The following MEF2C variants were observed in gnomAD, a reference collection of about 807,000 sequenced individuals.
MEF2C encodes the protein myocyte enhancer factor 2C.
A neutral mutation model predicts 50.5 loss-of-function variants in MEF2C; 6 were observed. The observed-to-expected ratio is 0.12, with a 90% CI of 0.07 to 0.23. MEF2C has a LOEUF of 0.23. Ranked by LOEUF, MEF2C falls within the 10% of genes least tolerant of loss-of-function variation. The pLI is 1.00. For synonymous variants in MEF2C, 183 were observed against 228.0 expected, an observed-to-expected ratio of 0.80 and a Z score of 1.78; for missense variants, 276 against 605.0, an observed-to-expected ratio of 0.46 and a Z score of 5.70.
At chr5:88,876,425 A>G (rs1831085730) in intron 1 of MEF2C, among the ~76,000 whole-genome samples, 1 of 151,998 alleles carries the variant, frequency 6.6e-6, no homozygotes, top group African/African-American at 2.4e-5. Flanking sequence ...TACTTTAAAG[A>G]AATTCCAATC....
rs188405746 is a variant in MEF2C at position 88,841,490 on chromosome 5, G to C, written c.-142-17560C>G. On this transcript the variant is annotated intron_variant, in intron 1 of 10. Coordinates refer to ENST00000504921, the MANE Select transcript of MEF2C (RefSeq NM_002397.5). Reference sequence around the variant, plus strand: ...CAACTGCACCTCAGCCTGGATGATGGAATAAAACTTTGTCTCAAAAAAAAA... The same window carrying C: ...CAACTGCACCTCAGCCTGGATGATGCAATAAAACTTTGTCTCAAAAAAAAA... Among the ~76,000 whole-genome samples, 42 of 126,404 alleles carry C rather than the reference G, an allele frequency of 3.3e-4. No homozygotes were observed. The East Asian group carries it at 9.1e-3, about 27-fold the overall frequency. 82.9% of individuals were successfully genotyped at this position (126,404 alleles called of 152,430 possible). A position where few individuals can be genotyped will look rare whatever the true frequency, so the allele number is the denominator to read the frequency against.
chr5:88,824,810 T>TA (rs1463368355), intron 1 of MEF2C: 35 of 152,000 alleles, frequency 2.3e-4, no homozygotes, highest in Admixed American at 1.8e-3. Context: ...GGTCAGGAAT[T>TA]AAAATTAGAG....
rs752676167 is a variant in MEF2C at position 88,783,394 on chromosome 5, C to T, written c.258+21204G>A. Among the ~76,000 whole-genome samples, 7 of 152,152 alleles carry T rather than the reference C, an allele frequency of 4.6e-5. No individual in the cohort carries two copies. In the East Asian group the frequency reaches 1.2e-3, roughly 25 times the overall value. ...CTGTAATCCCAGCACTTTGGGAGGC[C>T]GAGGCTGGCGGATCACCTGAAGTCG... On this transcript the variant is annotated intron_variant, in intron 3 of 10. Transcript: ENST00000504921.
At chr5:88,799,152 C>G (rs1418622144) in intron 3 of MEF2C, among the ~76,000 whole-genome samples, 1 of 152,214 alleles carries the variant, frequency 6.6e-6, no homozygotes, top group Non-Finnish European at 1.5e-5. Context: ...CAGTCTGTCC[C>G]TCAGCAGAGC....
intron 1 of MEF2C, among the ~76,000 whole-genome samples, chr5:88,846,184 T>G (rs982262025): frequency 1.3e-5 from 2 of 151,898 alleles, no homozygotes; most frequent in African/African-American, 4.8e-5. Context: ...TCTCCTTGCC[T>G]TAGCCTCCTG....
chr5:88,743,638 C>T, intron 6 of MEF2C: 3 of 985,044 alleles, frequency 3.0e-6, no homozygotes, highest in Non-Finnish European at 3.6e-6. Context: ...GTACTAAGTT[C>T]AAAGGTGCTG....
intron 4 of MEF2C, among the ~76,000 whole-genome samples, chr5:88,757,466 T>C (rs1264069895): frequency 1.3e-5 from 2 of 152,094 alleles, no homozygotes; most frequent in African/African-American, 4.8e-5. Context: ...CAATGCTGGT[T>C]ATCTAAATTC....
chr5:88,872,197 G>A (rs919225010), intron 1 of MEF2C, among the ~76,000 whole-genome samples: 2 of 151,982 alleles, frequency 1.3e-5, no homozygotes, highest in East Asian at 1.9e-4. Flanking sequence ...AACTCTTGGC[G>A]AGGCTGGTTT....
intron 3 of MEF2C, among the ~76,000 whole-genome samples, chr5:88,803,633 C>T (rs1413477469): frequency 6.6e-6 from 1 of 152,092 alleles, no homozygotes; most frequent in East Asian, 1.9e-4. Context: ...CAGATGGGAA[C>T]CATCCTTATT....
chr5:88,869,941 T>C (rs1241235618), intron 1 of MEF2C, among the ~76,000 whole-genome samples: 1 of 151,398 alleles, frequency 6.6e-6, no homozygotes, highest in Non-Finnish European at 1.5e-5. Context: ...GTCAAACACT[T>C]AGGGAAATCA....
intron 1 of MEF2C, among the ~76,000 whole-genome samples, chr5:88,834,857 G>T (rs567464598): frequency 6.6e-6 from 1 of 152,122 alleles, no homozygotes; most frequent in Non-Finnish European, 1.5e-5. Context: ...AGGTTGTGAG[G>T]CTCAAATAAA....
intron 3 of MEF2C, chr5:88,782,070 CTCTG>C (rs777242463): frequency 8.9e-5 from 79 of 885,914 alleles, no homozygotes; most frequent in Non-Finnish European, 1.0e-4. Context: ...CCTAGCGAGA[CTCTG>C]TCTAAAAATT....
chr5:88,798,110 A>T (rs1796761135), intron 3 of MEF2C, among the ~76,000 whole-genome samples: 1 of 150,862 alleles, frequency 6.6e-6, no homozygotes, highest in South Asian at 2.1e-4. Flanking sequence ...GGTGAATCTG[A>T]TTGTGTCTTG....
chr5:88,844,453 TTCAA>T (rs1818586564), intron 1 of MEF2C: 1 of 154,784 alleles, frequency 6.5e-6, no homozygotes, highest in East Asian at 1.9e-4. Flanking sequence ...ATATATCAAA[TTCAA>T]GTACAACCAC....
At chr5:88,815,646 G>GA (rs1804975989) in intron 2 of MEF2C, among the ~76,000 whole-genome samples, 1 of 151,872 alleles carries the variant, frequency 6.6e-6, no homozygotes, top group Non-Finnish European at 1.5e-5. Context: ...ATTATCCTCA[G>GA]AAAAAATAAG....
chr5:88,754,036 C>T (rs997731897), intron 4 of MEF2C, among the ~76,000 whole-genome samples: 1 of 152,230 alleles, frequency 6.6e-6, no homozygotes. Context: ...CTTGCTCCAT[C>T]CAGACCCACC....
intron 1 of MEF2C, among the ~76,000 whole-genome samples, chr5:88,860,263 G>C (rs887731560): frequency 1.3e-5 from 2 of 151,836 alleles, no homozygotes; most frequent in Non-Finnish European, 2.9e-5. Flanking sequence ...GGCTGGTAAG[G>C]GGGCAATCCT....
In MEF2C at chr5:88,823,936, C is replaced by A; in HGVS notation, c.-142-6G>T. The A allele has an allele frequency of 2.1e-6, 3 of 1,436,580 alleles. No homozygotes were observed. The highest frequency in any genetic ancestry group is 2.7e-6 in the Non-Finnish European group (3 of 1,094,202). 89.0% of individuals were successfully genotyped at this position (1,436,580 alleles called of 1,614,324 possible). On this transcript the variant is annotated splice_region_variant and splice_polypyrimidine_tract_variant and intron_variant, in intron 1 of 10. Coordinates refer to ENST00000504921, the MANE Select transcript of MEF2C (RefSeq NM_002397.5). ...AATTCCTGCATTCGTTCCTGCTGAA[C>A]AAAAAAGAAAAATTAAATACCACTC...
At chr5:88,843,672 T>C (rs1330058729) in intron 1 of MEF2C, among the ~76,000 whole-genome samples, 1 of 152,180 alleles carries the variant, frequency 6.6e-6, no homozygotes, top group Non-Finnish European at 1.5e-5. Flanking sequence ...TATGACTTTC[T>C]CTAATCCAGA....
Sources: gnomAD v4.1 joint callset for allele counts (sites outside exome capture counted in the v4.1 genomes callset) on GRCh38, gnomAD v4.1.1 for gene constraint, MANE v1.5 for transcripts, NCBI Gene and HGNC (gene_info 2026-07-23, HGNC 2026-07-21) for gene names.